The following RNF125 variants were observed in gnomAD, a reference collection of about 807,000 sequenced individuals.
RNF125 encodes the protein ring finger protein 125.
RNF125 carries 21 observed loss-of-function variants against 26.0 expected under a neutral mutation model. That is an observed-to-expected ratio of 0.81 (90% CI 0.57 to 1.16). The LOEUF (loss-of-function observed/expected upper bound fraction) is 1.16, where lower values mean the gene tolerates loss of function less well. Ranked by LOEUF, RNF125 falls within the 50% of genes most tolerant of loss-of-function variation. The pLI, the probability that RNF125 is intolerant of heterozygous loss-of-function variation, is 0.00. For synonymous variants in RNF125, 95 were observed against 109.2 expected, an observed-to-expected ratio of 0.87 and a Z score of 0.81; for missense variants, 270 against 299.4, an observed-to-expected ratio of 0.90 and a Z score of 0.72.
chr18:32,076,239 T>G (rs1286329781), downstream of RNF125: 2 of 442,410 alleles, frequency 4.5e-6, no homozygotes, highest in African/African-American at 4.0e-5. Context: ...TTGATGCTCT[T>G]GAGAGCATCA....
intron 3 of RNF125, among the ~76,000 whole-genome samples, chr18:32,045,004 G>A (rs2039254647): frequency 6.6e-6 from 1 of 151,896 alleles, no homozygotes; most frequent in South Asian, 2.1e-4. Flanking sequence ...TGTGGTCTGA[G>A]CTACTTGGGA....
chr18:32,060,864 G>A (rs1173438719), intron 4 of RNF125, among the ~76,000 whole-genome samples: 1 of 152,152 alleles, frequency 6.6e-6, no homozygotes, highest in Non-Finnish European at 1.5e-5. Flanking sequence ...GACTCCACTA[G>A]TTGCCTATTA....
chr18:32,089,047 A>G, the RNF125 span, among the ~76,000 whole-genome samples: 15 of 152,332 alleles, frequency 9.8e-5, no homozygotes, highest in African/African-American at 3.6e-4. Context: ...GAGCCTGCTA[A>G]GGAGCCTGCC....
chr18:32,062,805 A>C (rs144050126), intron 4 of RNF125, among the ~76,000 whole-genome samples: 72 of 152,298 alleles, frequency 4.7e-4, no homozygotes, highest in African/African-American at 1.6e-3. Context: ...TCATCAACAA[A>C]ATAAGGATAG....
chr18:32,031,435 C>T (rs558202684), intron 1 of RNF125: 45 of 129,888 alleles, frequency 3.5e-4, no homozygotes, highest in African/African-American at 6.9e-4. Flanking sequence ...CCATAGGGCT[C>T]GGCACCAGTA....
chr18:32,085,371 AGCAGAGAGAGAG>A, the RNF125 span, among the ~76,000 whole-genome samples: 1 of 103,346 alleles, frequency 9.7e-6, no homozygotes, highest in African/African-American at 4.0e-5. Context: ...CACTGCCAGA[AGCAGAGAGAGAG>A]AGAGAGAGAG....
chr18:32,027,669 G>A (rs1020427730), intron 1 of RNF125, among the ~76,000 whole-genome samples: 1 of 152,060 alleles, frequency 6.6e-6, no homozygotes, highest in South Asian at 2.1e-4. Flanking sequence ...CCCATTCATT[G>A]GCTCTAGAAT....
Position 32,066,023 on chromosome 18 carries a change from C to A in RNF125, c.612+14C>A. On this transcript the variant is annotated intron_variant, in intron 5 of 5. Coordinates refer to ENST00000217740, the MANE Select transcript of RNF125 (RefSeq NM_017831.4). ...GATGATTTCATAGTAAGTATATTTT[C>A]TTATTTTTACATTATGTTTTCATGC... 6.8e-7 allele frequency: 1 copy of A among 1,461,824 alleles called. No homozygotes were observed. The highest frequency in any genetic ancestry group is 1.1e-5 in the South Asian group (1 of 87,486). 90.6% of individuals were successfully genotyped at this position (1,461,824 alleles called of 1,614,324 possible).
At chr18:32,047,803 A>G (rs1405440866) in intron 4 of RNF125, among the ~76,000 whole-genome samples, 1 of 152,146 alleles carries the variant, frequency 6.6e-6, no homozygotes, top group Non-Finnish European at 1.5e-5. Context: ...TAGATAGATA[A>G]TGGATAGAAA....
rs182947638 is a variant in RNF125 at position 32,054,281 on chromosome 18, C to T, written c.504+8549C>T. Among the ~76,000 whole-genome samples, 295 of 151,984 alleles carry T rather than the reference C, an allele frequency of 1.9e-3. 2 individuals are homozygous for T. The highest frequency in any genetic ancestry group is 6.7e-3 in the African/African-American group (279 of 41,500). ...CTAATTTTTGTATTTTTAGTAGAAA[C>T]GTGGTTTCACCATGTTGACCAAGTT... is the stretch of plus-strand genomic sequence containing the variant. On this transcript the variant is annotated intron_variant, in intron 4 of 5. Coordinates refer to ENST00000217740, the MANE Select transcript of RNF125 (RefSeq NM_017831.4).
At chr18:32,026,483 G>C (rs962652966) in intron 1 of RNF125, among the ~76,000 whole-genome samples, 8 of 151,986 alleles carry the variant, frequency 5.3e-5, no homozygotes, top group Non-Finnish European at 7.4e-5. Flanking sequence ...CAGGTGATCT[G>C]CCTGCCTCGG....
At chr18:32,025,664 C>CAAA (rs34054474) in intron 1 of RNF125, among the ~76,000 whole-genome samples, 75 of 64,308 alleles carry the variant, frequency 1.2e-3, no homozygotes, top group Non-Finnish European at 1.9e-3. Context: ...AACTCTGTCT[C>CAAA]AAAAAAAAAA....
intron 4 of RNF125, among the ~76,000 whole-genome samples, chr18:32,046,062 C>A (rs769016510): frequency 6.6e-6 from 1 of 151,738 alleles, no homozygotes; most frequent in African/African-American, 2.4e-5. Context: ...ACTAAAAATA[C>A]AAAAACTAGC....
At chr18:32,030,572 T>C (rs554195277) in intron 1 of RNF125, among the ~76,000 whole-genome samples, 1 of 152,318 alleles carries the variant, frequency 6.6e-6, no homozygotes, top group African/African-American at 2.4e-5. Flanking sequence ...AATCCCACTG[T>C]AAACCAAAAA....
intron 4 of RNF125, among the ~76,000 whole-genome samples, chr18:32,055,490 A>C (rs2039371722): frequency 6.6e-6 from 1 of 152,162 alleles, no homozygotes; most frequent in Admixed American, 6.6e-5. Context: ...TTATGGCAGA[A>C]GGCAAATGGG....
intron 1 of RNF125, among the ~76,000 whole-genome samples, chr18:32,027,227 C>CTTT (rs770091087): frequency 3.8e-5 from 5 of 131,872 alleles, no homozygotes; most frequent in African/African-American, 1.1e-4. Context: ...AGGATGGAGT[C>CTTT]TTTTTTTTTT....
At chr18:32,088,853 TC>T in the RNF125 span, among the ~76,000 whole-genome samples, 6 of 151,982 alleles carry the variant, frequency 3.9e-5, no homozygotes, top group Non-Finnish European at 8.8e-5. Flanking sequence ...AGGGGAAAAG[TC>T]CATTCCTTCT....
chr18:32,076,195 A>G, downstream of RNF125: 1 of 507,558 alleles, frequency 2.0e-6, no homozygotes, highest in South Asian at 1.9e-5. Flanking sequence ...ATGGCCCAAT[A>G]AGAACCTGGT....
At chr18:32,041,018 T>C (rs1206663548) in intron 2 of RNF125, among the ~76,000 whole-genome samples, 1 of 152,236 alleles carries the variant, frequency 6.6e-6, no homozygotes, top group African/African-American at 2.4e-5. Flanking sequence ...AACTGTTTCC[T>C]TGACACGGCA....
Sources: gnomAD v4.1 joint callset for allele counts (sites outside exome capture counted in the v4.1 genomes callset) on GRCh38, gnomAD v4.1.1 for gene constraint, MANE v1.5 for transcripts, NCBI Gene and HGNC (gene_info 2026-07-23, HGNC 2026-07-21) for gene names.